Variants in CPSF6 observed in about 807,000 individuals in gnomAD.
CPSF6 encodes the protein cleavage and polyadenylation specific factor 6.
CPSF6 carries 10 observed loss-of-function variants against 56.7 expected under a neutral mutation model. The ratio of observed to expected loss-of-function variants is 0.18; its 90% CI spans 0.11 to 0.30. The LOEUF (loss-of-function observed/expected upper bound fraction) is 0.30. Ranked by LOEUF, CPSF6 falls within the 10% of genes least tolerant of loss-of-function variation. The pLI is 1.00. For synonymous variants in CPSF6, 248 were observed against 244.8 expected, an observed-to-expected ratio of 1.01 and a Z score of -0.12; for missense variants, 419 against 722.9, an observed-to-expected ratio of 0.58 and a Z score of 4.82.
At chr12:69,243,774 A>G (rs1418953012) in intron 1 of CPSF6, among the ~76,000 whole-genome samples, 1 of 152,052 alleles carries the variant, frequency 6.6e-6, no homozygotes, top group African/African-American at 2.4e-5. Context: ...AACACTGTAC[A>G]GTACACTCAG....
rs138217391 is a variant in CPSF6, at chr12:69,267,789, A to G, written c.*4-1723A>G. Among the ~76,000 whole-genome samples the G allele has an allele frequency of 7.2e-3, 1,095 of 151,996 alleles. 13 individuals carry two copies. The highest frequency in any genetic ancestry group is 0.013 in the Non-Finnish European group (903 of 67,732). ...TGAAAATTAGATTTATTAATAGAAAAGATCTATCTATAAAGTATAATCAAA... is the reference window on the plus strand; with the variant it reads ...TGAAAATTAGATTTATTAATAGAAAGGATCTATCTATAAAGTATAATCAAA... On this transcript the variant is annotated intron_variant, in intron 9 of 9. Coordinates refer to ENST00000435070, the MANE Select transcript of CPSF6 (RefSeq NM_007007.3).
intron 1 of CPSF6, among the ~76,000 whole-genome samples, chr12:69,242,451 C>T (rs751838117): frequency 5.3e-5 from 8 of 152,144 alleles, no homozygotes; most frequent in Non-Finnish European, 1.2e-4. Flanking sequence ...TTAGCAGAAA[C>T]TAATTTGGGG....
At chr12:69,253,717 G>A (rs954907899) in intron 3 of CPSF6, among the ~76,000 whole-genome samples, 4 of 152,134 alleles carry the variant, frequency 2.6e-5, no homozygotes, top group Non-Finnish European at 4.4e-5. Context: ...TATAATTCAT[G>A]TGTTTTATAT....
At position 69,259,906 on chromosome 12, in the gene CPSF6, A is replaced by G. The variant is rs317648; in HGVS notation, c.1316-138A>G. ...GGCTTTTGCAAATGGTGAAACACTG[A>G]AAGAAGACATTGTCTTGCATAGTTA... On this transcript the variant is annotated intron_variant, in intron 7 of 9. Transcript: ENST00000435070. The G allele has an allele frequency of 4.3e-3, 3,650 of 848,046 alleles. 91 individuals are homozygous for G. In the African/African-American group the frequency reaches 0.056, roughly 13 times the overall value. The allele number at this position is 848,046 out of a possible 1,614,324, so 52.5% of individuals were successfully genotyped here.
At chr12:69,261,456 T>C (rs769015468) in intron 8 of CPSF6, among the ~76,000 whole-genome samples, 2 of 150,130 alleles carry the variant, frequency 1.3e-5, no homozygotes, top group Non-Finnish European at 1.5e-5. Context: ...TCCCAGCTAC[T>C]TGGGAGGCTG....
chr12:69,241,314 T>C (rs924816224), intron 1 of CPSF6, among the ~76,000 whole-genome samples: 1 of 152,224 alleles, frequency 6.6e-6, no homozygotes, highest in Non-Finnish European at 1.5e-5. Flanking sequence ...ATTCCTCGAG[T>C]GCAACACAGG....
intron 6 of CPSF6, 123 bp downstream of exon 6, chr12:69,259,217 C>G: frequency 1.6e-6 from 2 of 1,273,324 alleles, no homozygotes; most frequent in Non-Finnish European, 2.1e-6. Context: ...GGTGTTTAAG[C>G]TGCTACCCTG....
In CPSF6 at chr12:69,258,202, T is replaced by G; in HGVS notation, c.694+297T>G. The G allele has an allele frequency of 1.0e-6, 1 of 955,840 alleles. No individual in the cohort carries two copies. Among genetic ancestry groups the G allele is most frequent in the South Asian group, 1.5e-5 (1 of 66,066 alleles). 59.2% of individuals were successfully genotyped at this position (955,840 alleles called of 1,614,324 possible). On this transcript the variant is annotated intron_variant, in intron 5 of 9. Coordinates refer to ENST00000435070, the MANE Select transcript of CPSF6 (RefSeq NM_007007.3). This position sits in a 1 kb window ranked among gnomAD's most constrained non-coding sequence, Gnocchi z 4.2. ...ATATATAGAATATTTACATCCGTCT[T>G]ACTTTCTTACCTCTTAAAAAAATCC... is the stretch of plus-strand genomic sequence containing the variant.
intron 1 of CPSF6, 96 bp downstream of exon 1, chr12:69,239,802 CAG>C (rs1871503294): frequency 5.7e-6 from 7 of 1,237,210 alleles, no homozygotes. Context: ...GAAGCGACTG[CAG>C]AGTGTGCGCC....
Position 69,239,603 on chromosome 12 carries a change from C to G in CPSF6, c.-44C>G, listed in dbSNP as rs1021092364. 3 of 1,534,236 alleles carry G rather than the reference C, an allele frequency of 2.0e-6. No homozygotes were observed. The highest frequency in any genetic ancestry group is 1.7e-4 in the Middle Eastern group (1 of 5,800). On this transcript the variant is annotated 5_prime_UTR_variant, in exon 1 of 10. Transcript: ENST00000435070. ...GCTGCTGCTGCCGCGGCGGGCAGAC[C>G]TGCAGGAGGCGGCGGCGGCGGCGGC...
Position 69,253,098 on chromosome 12 carries a change from A to G in CPSF6, c.318A>G (p.Val106=). 6.3e-7 allele frequency: 1 copy of G among 1,594,586 alleles called. No homozygotes were observed. Among genetic ancestry groups the G allele is most frequent in the Non-Finnish European group, 8.5e-7 (1 of 1,170,876 alleles). Residue 106 remains valine, a synonymous_variant, in exon 3 of 10, where the codon GTA becomes GTG. Coordinates refer to ENST00000435070, the MANE Select transcript of CPSF6 (RefSeq NM_007007.3). ...CTGAAGCAGTTCATTCTTTGGGAGT[A>G]AATGATATTTTGGAGATAAAATTTT... is the stretch of plus-strand genomic sequence containing the variant. ...DLTEAVHSLG[V]NDILEIKFFE... is the part of the protein sequence containing the mutation.
In CPSF6 at chr12:69,256,790, A is replaced by G; in HGVS notation, c.468A>G (p.Val156=). 1 of 1,613,796 alleles carries G rather than the reference A, an allele frequency of 6.2e-7. No individual in the cohort carries two copies. Among genetic ancestry groups the G allele is most frequent in the Non-Finnish European group, 8.5e-7 (1 of 1,179,848 alleles). The stretch of plus-strand genomic sequence containing the variant: ...AACTTCATGGTCAGAATCCTGTTGT[A>G]ACTCCATGCAATAAACAGTTCCTGA... ...KRELHGQNPV[V]TPCNKQFLSQ... is the part of the protein sequence containing the mutation. The change falls in exon 4 of 10, where the codon GTA becomes GTG. Residue 156 remains valine, a synonymous_variant. Coordinates refer to ENST00000435070, the MANE Select transcript of CPSF6 (RefSeq NM_007007.3).
intron 8 of CPSF6, 119 bp downstream of exon 8, chr12:69,260,316 G>T: frequency 2.8e-6 from 2 of 702,686 alleles, no homozygotes; most frequent in Non-Finnish European, 4.3e-6. Flanking sequence ...AGCAGCTGGA[G>T]TGGTTTTTTT....
intron 9 of CPSF6, among the ~76,000 whole-genome samples, chr12:69,268,405 ATG>A (rs1873093744): frequency 6.6e-6 from 1 of 151,736 alleles, no homozygotes; most frequent in South Asian, 2.1e-4. Context: ...GAATGCATAT[ATG>A]TACTGATGCT....
Position 69,258,353 on chromosome 12 carries a change from AT to A in CPSF6, c.695-230del, listed in dbSNP as rs1872595238. Reference sequence around the variant, plus strand: ...GGAAAATATCTCTAGGCATTGTAATATTTTTTTATTAAAGTTTTCGTTTCAA... The same window carrying A: ...GGAAAATATCTCTAGGCATTGTAATATTTTTTATTAAAGTTTTCGTTTCAA... On this transcript the variant is annotated intron_variant, in intron 5 of 9. Coordinates refer to ENST00000435070, the MANE Select transcript of CPSF6 (RefSeq NM_007007.3). This position sits in a 1 kb window ranked among gnomAD's most constrained non-coding sequence, Gnocchi z 4.2. 6.6e-6 allele frequency among the ~76,000 whole-genome samples: 1 copy of A among 151,950 alleles called. No homozygotes were observed. Among genetic ancestry groups the A allele is most frequent in the Non-Finnish European group, 1.5e-5 (1 of 68,004 alleles).
At chr12:69,264,288 A>G (rs537717918) in intron 9 of CPSF6, among the ~76,000 whole-genome samples, 2 of 152,208 alleles carry the variant, frequency 1.3e-5, no homozygotes, top group African/African-American at 4.8e-5. Flanking sequence ...TAGTAAAGGC[A>G]TGATAATGAA....
chr12:69,267,286 AG>A (rs1393335103), intron 9 of CPSF6, among the ~76,000 whole-genome samples: 2 of 152,062 alleles, frequency 1.3e-5, no homozygotes, highest in Admixed American at 1.3e-4. Flanking sequence ...TTATAATTTG[AG>A]TTGTTAATAA....
At chr12:69,259,621 A>G in intron 7 of CPSF6, 78 bp downstream of exon 7, 2 of 1,198,794 alleles carry the variant, frequency 1.7e-6, no homozygotes, top group Non-Finnish European at 2.3e-6. Context: ...AATCTAGAAG[A>G]TAGGTCATTT....
intron 1 of CPSF6, among the ~76,000 whole-genome samples, chr12:69,246,512 A>G (rs894485356): frequency 6.6e-6 from 1 of 152,172 alleles, no homozygotes; most frequent in Admixed American, 6.5e-5. Flanking sequence ...TTTAGTACCA[A>G]ATTCCTTACC....
Sources: allele counts gnomAD v4.1 joint callset (sites outside exome capture counted in the v4.1 genomes callset), GRCh38; gene constraint gnomAD v4.1.1; non-coding constraint Gnocchi (gnomAD v3.1); transcripts MANE v1.5; gene names NCBI Gene and HGNC (gene_info 2026-07-23, HGNC 2026-07-21).